TNKS1BP1: variants seen among roughly 807,000 people sequenced by gnomAD.
The protein encoded by TNKS1BP1 is CCR4-NOT transcription complex subunit 12, also known as 182 kDa tankyrase-1-binding protein.
In TNKS1BP1, 48 loss-of-function variants were observed where a neutral mutation model predicts 141.1. The observed-to-expected ratio is 0.34, with a 90% CI of 0.27 to 0.43. TNKS1BP1 has a LOEUF of 0.43. TNKS1BP1 is among the 20% of genes least tolerant of loss of function. The pLI is 1.00. For synonymous variants in TNKS1BP1, 875 were observed against 898.2 expected, an observed-to-expected ratio of 0.97 and a Z score of 0.46; for missense variants, 2,149 against 2,226.0, an observed-to-expected ratio of 0.97 and a Z score of 0.70.
rs1298571574 is a variant in TNKS1BP1, at chr11:57,309,005, T to C, written c.3706A>G (p.Lys1236Glu). 4.3e-6 allele frequency: 7 copies of C among 1,614,034 alleles called. No homozygotes were observed. The highest frequency in any genetic ancestry group is 5.9e-6 in the Non-Finnish European group (7 of 1,180,028). ...CCCTCCCCGACCTCAGCCAAATCTT[T>C]GCTCTTCACATTAACATCAGAAGTC... ...DWTSDVNVKS[K>E]DLAEVGEGGG... Residue 1236 changes from lysine to glutamate, a missense_variant, in exon 6 of 12, where the codon AAA (lysine) becomes GAA (glutamate). Lys to Glu is a moderately conservative substitution (Grantham distance 56). Coordinates refer to ENST00000358252, the MANE Select transcript of TNKS1BP1 (RefSeq NM_033396.3). This position sits in a 1 kb window ranked among gnomAD's most constrained non-coding sequence, Gnocchi z 4.3.
intron 2 of TNKS1BP1, 71 bp downstream of exon 2, chr11:57,321,718 CAGA>C (rs1451311504): frequency 6.5e-7 from 1 of 1,546,972 alleles, no homozygotes; most frequent in Admixed American, 1.8e-5. Flanking sequence ...CCCCCCAAGA[CAGA>C]AAGAGGGGGC....
Position 57,309,988 on chromosome 11 carries a change from T to C in TNKS1BP1, c.2723A>G (p.Asp908Gly), listed in dbSNP as rs1376436087. 1 of 1,613,890 alleles carries C rather than the reference T, an allele frequency of 6.2e-7. No individual in the cohort carries two copies. The highest frequency in any genetic ancestry group is 2.2e-5 in the East Asian group (1 of 44,880). Residue 908 changes from aspartate (D) to glycine (G), a missense_variant, in exon 6 of 12, where the codon GAT becomes GGT. Asp to Gly is a moderately conservative substitution (Grantham distance 94). Transcript: ENST00000358252. The surrounding 1 kb of genome is among the most constrained non-coding windows in gnomAD (Gnocchi z 4.3). ...ACCATGGTGGTCCCTCTTCCCCAAA[T>C]CTTGGCCCTGCTCGTTGGCATCTTG... is the stretch of plus-strand genomic sequence containing the variant. ...ASQDANEQGQDLGKRDHHGRY... is the reference protein window; with the variant it reads ...ASQDANEQGQGLGKRDHHGRY...
chr11:57,313,687 A>T lies in TNKS1BP1; in HGVS notation c.1001T>A (p.Val334Glu). ...GGCTGCACTTGGAGCTGATGGAGTC[A>T]CAGCGGGGCAGGGAGAAGCCTGGGA... Reference protein sequence around the residue: ...EASQASPCPAVTPSAPSAALP... With the variant: ...EASQASPCPAETPSAPSAALP... Residue 334 changes from valine to glutamate, a missense_variant, in exon 5 of 12, where the codon GTG (valine) becomes GAG (glutamate). Physicochemically the swap from Val to Glu is moderately radical, Grantham distance 121. Coordinates refer to ENST00000358252, the MANE Select transcript of TNKS1BP1 (RefSeq NM_033396.3). 1 of 1,574,928 alleles carries T rather than the reference A, an allele frequency of 6.3e-7. No homozygotes were observed. The highest frequency in any genetic ancestry group is 8.6e-7 in the Non-Finnish European group (1 of 1,159,766).
At chr11:57,303,166 C>T (rs1190906072) in intron 6 of TNKS1BP1, 2 of 254,504 alleles carry the variant, frequency 7.9e-6, no homozygotes, top group Non-Finnish European at 1.5e-5. Context: ...GAAGCAGCAG[C>T]CATTATTCCT....
Position 57,309,501 on chromosome 11 carries a change from G to A in TNKS1BP1, c.3210C>T (p.Gly1070=), listed in dbSNP as rs1035355158. Residue 1070 remains glycine (G), a synonymous_variant, in exon 6 of 12, where the codon GGC becomes GGT. Transcript: ENST00000358252. The surrounding 1 kb of genome is among the most constrained non-coding windows in gnomAD (Gnocchi z 4.3). ...CATCTTCCAGGTCAGCACTGCCAGG[G>A]CCCTGAGCCCCTGCCTGCTGTCTCT... ...HQERQQAGAQ[G]PGSADLEDGE... The A allele has an allele frequency of 6.2e-7, 1 of 1,613,792 alleles. No individual in the cohort carries two copies. Among genetic ancestry groups the A allele is most frequent in the Non-Finnish European group, 8.5e-7 (1 of 1,180,030 alleles).
intron 4 of TNKS1BP1, among the ~76,000 whole-genome samples, chr11:57,315,838 G>A (rs1020580748): frequency 2.7e-5 from 4 of 150,808 alleles, no homozygotes; most frequent in South Asian, 2.1e-4. Context: ...CACTGTCCTC[G>A]CTTGGGGCTG....
chr11:57,300,487 C>A, intron 11 of TNKS1BP1, 41 bp downstream of exon 11: 1 of 1,597,304 alleles, frequency 6.3e-7, no homozygotes, highest in Non-Finnish European at 8.6e-7. Context: ...CCAGGGCAGG[C>A]CCTCCTCAGA....
intron 3 of TNKS1BP1, among the ~76,000 whole-genome samples, chr11:57,319,429 C>A (rs576661398): frequency 6.6e-6 from 1 of 152,254 alleles, no homozygotes; most frequent in South Asian, 2.1e-4. Flanking sequence ...AAACAGGATG[C>A]CAACGAGGCA....
intron 2 of TNKS1BP1, 98 bp downstream of exon 2, chr11:57,321,694 T>A: frequency 7.1e-7 from 1 of 1,400,840 alleles, no homozygotes; most frequent in Middle Eastern, 2.4e-4. Context: ...CTCAACAGAA[T>A]CATCACTCAA....
chr11:57,324,350 A>T (rs1421297889), intron 1 of TNKS1BP1, among the ~76,000 whole-genome samples: 2 of 151,716 alleles, frequency 1.3e-5, no homozygotes, highest in Non-Finnish European at 2.9e-5. Context: ...GCCGAAGAGG[A>T]GGAGGAGGAG....
rs1855870263 is a variant in TNKS1BP1, at chr11:57,320,587, C to T, written c.220G>A (p.Glu74Lys). Residue 74 changes from glutamate (E) to lysine (K), a missense_variant, in exon 3 of 12, where the codon GAG becomes AAG. Coordinates refer to ENST00000358252, the MANE Select transcript of TNKS1BP1 (RefSeq NM_033396.3). ...TTCATCTTCCTGGCAGAAGGCAACT[C>T]AGCCAGGGGACCCCGGGGAGGCCGA... ...GPRPPRGPLA[E>K]LPSARKMNML... The T allele has an allele frequency of 6.2e-7, 1 of 1,613,928 alleles. No individual in the cohort carries two copies. Among genetic ancestry groups the T allele is most frequent in the Non-Finnish European group, 8.5e-7 (1 of 1,180,004 alleles).
intron 6 of TNKS1BP1, among the ~76,000 whole-genome samples, chr11:57,305,424 C>T (rs1317029959): frequency 6.6e-6 from 1 of 152,174 alleles, no homozygotes; most frequent in Non-Finnish European, 1.5e-5. Flanking sequence ...CGCATCTACA[C>T]CCTTCACCTG....
At chr11:57,316,606 TTCTGTGC>T (rs1018050674) in intron 4 of TNKS1BP1, among the ~76,000 whole-genome samples, 1 of 152,184 alleles carries the variant, frequency 6.6e-6, no homozygotes. Flanking sequence ...TCACCCTTGA[TTCTGTGC>T]TCTCTATCTA....
chr11:57,313,465 C>G lies in TNKS1BP1; in HGVS notation c.1223G>C (p.Gly408Ala). 1 of 1,591,824 alleles carries G rather than the reference C, an allele frequency of 6.3e-7. No individual in the cohort carries two copies. The highest frequency in any genetic ancestry group is 8.6e-7 in the Non-Finnish European group (1 of 1,168,206). Reference sequence around the variant, plus strand: ...TGCGTCACCCTTGGCCTCCTCCTCCCCGCCAGATGGAAACGTCCGAGTGAG... The same window carrying G: ...TGCGTCACCCTTGGCCTCCTCCTCCGCGCCAGATGGAAACGTCCGAGTGAG... ...LDLTRTFPSG[G>A]EEEAKGDAHL... Residue 408 changes from glycine to alanine, a missense_variant, in exon 5 of 12, where the codon GGG becomes GCG. Transcript: ENST00000358252.
intron 2 of TNKS1BP1, among the ~76,000 whole-genome samples, chr11:57,320,970 C>T (rs905018975): frequency 1.3e-5 from 2 of 152,226 alleles, no homozygotes; most frequent in Admixed American, 1.3e-4. Flanking sequence ...TAAGGACCCA[C>T]CTGGCACCTT....
At chr11:57,319,336 G>A (rs1855846080) in intron 3 of TNKS1BP1, among the ~76,000 whole-genome samples, 1 of 152,056 alleles carries the variant, frequency 6.6e-6, no homozygotes, top group South Asian at 2.1e-4. Flanking sequence ...ATCTGTCTCT[G>A]CCTCTTAACT....
Position 57,320,334 on chromosome 11 carries a change from G to C in TNKS1BP1, c.473C>G (p.Ala158Gly). 1 of 1,614,200 alleles carries C rather than the reference G, an allele frequency of 6.2e-7. No individual in the cohort carries two copies. The highest frequency in any genetic ancestry group is 8.5e-7 in the Non-Finnish European group (1 of 1,180,048). The part of the protein sequence containing the change: ...PFRPASERFA[A>G]TTVEEILAKM... ...GGCCAGGATCTCTTCCACCGTGGTG[G>C]CCGCGAAGCGCTCTGAGGCTGGGCG... The change falls in exon 3 of 12, where the codon GCC becomes GGC. Residue 158 changes from alanine to glycine, a missense_variant. Transcript: ENST00000358252.
chr11:57,308,354 C>A, intron 6 of TNKS1BP1, 41 bp downstream of exon 6: 3 of 1,571,242 alleles, frequency 1.9e-6, no homozygotes, highest in Non-Finnish European at 2.6e-6. Flanking sequence ...ACAGCCTTCA[C>A]ATGTTCCCTC....
rs1590581313 is a variant in TNKS1BP1 at position 57,308,390 on chromosome 11, A to G, written c.4316+5T>C. On this transcript the variant is annotated splice_donor_5th_base_variant and intron_variant, in intron 6 of 11. Transcript: ENST00000358252. Reference sequence around the variant, plus strand: ...CCACACTTGGGATGGGGCTCCGTTCATTACCTTGCTCCGAAGCTGAGGGCT... The same window carrying G: ...CCACACTTGGGATGGGGCTCCGTTCGTTACCTTGCTCCGAAGCTGAGGGCT... The G allele has an allele frequency of 1.5e-5, 24 of 1,610,872 alleles. No homozygotes were observed. The highest frequency in any genetic ancestry group is 1.9e-5 in the Non-Finnish European group (22 of 1,177,886).
Sources: gnomAD v4.1 joint callset for allele counts (sites outside exome capture counted in the v4.1 genomes callset) on GRCh38, gnomAD v4.1.1 for gene constraint, Gnocchi (gnomAD v3.1) non-coding constraint, MANE v1.5 for transcripts, NCBI Gene and HGNC (gene_info 2026-07-23, HGNC 2026-07-21) for gene names.